TENM4: variants seen among roughly 807,000 people sequenced by gnomAD.
The protein encoded by TENM4 is teneurin-4.
In TENM4, 82 loss-of-function variants were observed where a neutral mutation model predicts 243.3. That is an observed-to-expected ratio of 0.34 (90% confidence interval 0.28 to 0.40). The LOEUF (loss-of-function observed/expected upper bound fraction) is 0.40, where lower values mean the gene tolerates loss of function less well. TENM4 is among the 10% of genes least tolerant of loss of function. The pLI is 1.00. For synonymous variants in TENM4, 1,412 were observed against 1,456.3 expected, an observed-to-expected ratio of 0.97 and a Z score of 0.69; for missense variants, 3,138 against 3,673.3, an observed-to-expected ratio of 0.85 and a Z score of 3.77.
intron 1 of TENM4, among the ~76,000 whole-genome samples, chr11:79,429,361 C>T (rs778144303): frequency 6.6e-6 from 1 of 152,120 alleles, no homozygotes. Context: ...CACCTGCACT[C>T]GCCACCGGAC....
At chr11:79,281,073 G>A (rs1053223227) in intron 2 of TENM4, among the ~76,000 whole-genome samples, 7 of 152,174 alleles carry the variant, frequency 4.6e-5, no homozygotes, top group African/African-American at 9.7e-5. Flanking sequence ...GTCTTTAGGC[G>A]TCAAATGATG....
At chr11:78,811,997 G>T in intron 14 of TENM4, 125 bp downstream of exon 14, 1 of 1,226,300 alleles carries the variant, frequency 8.2e-7, no homozygotes. Context: ...TGGGCTCCTG[G>T]CTTGGGGAGG....
In TENM4 at chr11:78,909,585, C is replaced by G. The variant is rs964914673; in HGVS notation, c.494-6062G>C. ...CACATACTGAGCACTTTCCAAGTGT[C>G]GACCACAATAATTCTTATCGGCATA... is the stretch of plus-strand genomic sequence containing the variant. On this transcript the variant is annotated intron_variant, in intron 6 of 33. Coordinates refer to ENST00000278550, the MANE Select transcript of TENM4 (RefSeq NM_001098816.3). Among the ~76,000 whole-genome samples the G allele has an allele frequency of 2.0e-5, 3 of 152,330 alleles. 1 individual carries two copies. The highest frequency in any genetic ancestry group is 4.4e-5 in the Non-Finnish European group (3 of 68,038).
chr11:78,794,355 T>C (rs906144836), intron 15 of TENM4, among the ~76,000 whole-genome samples: 8 of 152,170 alleles, frequency 5.3e-5, no homozygotes, highest in Non-Finnish European at 8.8e-5. Flanking sequence ...GGACACAGTC[T>C]GTATGGGAAG....
chr11:78,776,496 ATT>A (rs1856743071), intron 17 of TENM4, among the ~76,000 whole-genome samples: 1 of 152,202 alleles, frequency 6.6e-6, no homozygotes, highest in Non-Finnish European at 1.5e-5. Context: ...TTGAGTAAAC[ATT>A]GTTTCTTTAG....
At chr11:78,881,565 CA>C (rs1048924827) in intron 9 of TENM4, among the ~76,000 whole-genome samples, 29 of 152,246 alleles carry the variant, frequency 1.9e-4, no homozygotes, top group South Asian at 4.2e-4. Context: ...AACCATTAGC[CA>C]GGGGGTAGTA....
intron 1 of TENM4, among the ~76,000 whole-genome samples, chr11:79,335,667 T>G (rs1376159045): frequency 6.6e-6 from 1 of 152,144 alleles, no homozygotes; most frequent in Non-Finnish European, 1.5e-5. Context: ...ATTCATGAGG[T>G]CTGTTCCACC....
chr11:78,700,533 T>C (rs1249172905), intron 28 of TENM4, among the ~76,000 whole-genome samples: 4 of 152,152 alleles, frequency 2.6e-5, no homozygotes, highest in Non-Finnish European at 5.9e-5. Flanking sequence ...GTGTGAACCA[T>C]GGCTAAGACC....
intron 3 of TENM4, among the ~76,000 whole-genome samples, chr11:79,162,466 ATTATTTAT>A (rs148237396): frequency 0.5 from 75,830 of 150,964 alleles, 20,802 homozygotes; most frequent in Non-Finnish European, 0.63. Flanking sequence ...ATTTGCTGTT[ATTATTTAT>A]TTATTTATTT....
Position 78,676,198 on chromosome 11 carries a change from T to C in TENM4, c.5450A>G (p.Lys1817Arg), listed in dbSNP as rs940545514. 1.9e-6 allele frequency: 3 copies of C among 1,568,504 alleles called. No individual in the cohort carries two copies. The highest frequency in any genetic ancestry group is 2.7e-5 in the African/African-American group (2 of 73,974). Residue 1817 changes from lysine (K) to arginine (R), a missense_variant, in exon 30 of 34, where the codon AAA becomes AGA. Coordinates refer to ENST00000278550, the MANE Select transcript of TENM4 (RefSeq NM_001098816.3). ...AGTGACCTGGCCCCGAGCCTGCTCT[T>C]TGCGCTGGCGCCACTCCACCAGGTT... ...GLNLVEWRQRKEQARGQVTVF... is the reference protein window; with the variant it reads ...GLNLVEWRQRREQARGQVTVF...
intron 6 of TENM4, among the ~76,000 whole-genome samples, chr11:78,907,083 C>T (rs938436979): frequency 1.3e-5 from 2 of 152,084 alleles, no homozygotes; most frequent in African/African-American, 2.4e-5. Flanking sequence ...CTCACCCTTT[C>T]TAGCTTGAGA....
intron 30 of TENM4, among the ~76,000 whole-genome samples, chr11:78,673,608 T>C (rs566593551): frequency 6.6e-6 from 1 of 152,224 alleles, no homozygotes; most frequent in African/African-American, 2.4e-5. Context: ...CCTTCCCCTA[T>C]CCGAGTCTCA....
At chr11:79,436,463 C>T (rs113956956) in intron 1 of TENM4, among the ~76,000 whole-genome samples, 2,020 of 152,230 alleles carry the variant, frequency 0.013, 48 homozygotes, top group African/African-American at 0.046. Flanking sequence ...TGATTCCAAC[C>T]CAATAGTTAA....
intron 3 of TENM4, among the ~76,000 whole-genome samples, chr11:79,157,480 G>C (rs1174337320): frequency 6.6e-6 from 1 of 152,064 alleles, no homozygotes; most frequent in Non-Finnish European, 1.5e-5. Flanking sequence ...AGCATGCCTG[G>C]CTCTGTGCTC....
chr11:79,356,644 A>G (rs1857501309), intron 1 of TENM4, among the ~76,000 whole-genome samples: 2 of 152,178 alleles, frequency 1.3e-5, no homozygotes, highest in Admixed American at 6.5e-5. Flanking sequence ...CAAGAAAGAT[A>G]ATAGATAACG....
chr11:79,075,921 G>A (rs190050029), intron 4 of TENM4, among the ~76,000 whole-genome samples: 8 of 152,324 alleles, frequency 5.3e-5, no homozygotes, highest in East Asian at 3.9e-4. Flanking sequence ...AGAGAGGAGC[G>A]GGTCACAAGC....
chr11:79,183,157 A>C (rs1359692111), intron 3 of TENM4, among the ~76,000 whole-genome samples: 1 of 152,232 alleles, frequency 6.6e-6, no homozygotes, highest in East Asian at 1.9e-4. Context: ...GAAGCAACCA[A>C]GATGTCTTTA....
chr11:78,875,694 C>T lies in TENM4; in HGVS notation c.1085-12562G>A, dbSNP rs556724846. Among the ~76,000 whole-genome samples the T allele has an allele frequency of 1.6e-3, 245 of 152,272 alleles. 1 individual carries two copies. Among genetic ancestry groups the T allele is most frequent in the South Asian group, 4.1e-3 (20 of 4,826 alleles). On this transcript the variant is annotated intron_variant, in intron 9 of 33. Transcript: ENST00000278550. The stretch of plus-strand genomic sequence containing the variant: ...TGGACATATCATTTAACCTTCGTGG[C>T]CTCAGTTTCTCATCTATGGAAATGG...
In TENM4 at chr11:79,001,602, G is replaced by A. The variant is rs544243350; in HGVS notation, c.493+63136C>T. 4.6e-5 allele frequency among the ~76,000 whole-genome samples: 7 copies of A among 152,304 alleles called. No individual in the cohort carries two copies. In the South Asian group the frequency reaches 6.2e-4, roughly 14 times the overall value. ...TGCAGGAACATCTGCAGTAGAGCAC[G>A]GCCAGGGATGGCCATTCTCCATGGC... On this transcript the variant is annotated intron_variant, in intron 6 of 33. Transcript: ENST00000278550.
Sources: gnomAD v4.1 joint callset for allele counts (sites outside exome capture counted in the v4.1 genomes callset) on GRCh38, gnomAD v4.1.1 for gene constraint, MANE v1.5 for transcripts, NCBI Gene and HGNC (gene_info 2026-07-23, HGNC 2026-07-21) for gene names.